Variants in FRMPD4 observed in about 807,000 individuals in gnomAD.
The protein encoded by FRMPD4 is FERM and PDZ domain containing 4.
In FRMPD4, 22 loss-of-function variants were observed where a neutral mutation model predicts 94.1. That is an observed-to-expected ratio of 0.23 (90% CI 0.17 to 0.33). The LOEUF is 0.33. Among genes scored for constraint, FRMPD4 ranks in the 10% least tolerant of loss-of-function variants. FRMPD4 has a pLI of 1.00. For missense variants in FRMPD4, 1,111 were observed against 1,339.9 expected (o/e 0.83, Z 2.67); for synonymous variants, 631 against 548.6 (o/e 1.15, Z -2.10).
intron 1 of FRMPD4, among the ~76,000 whole-genome samples, chrX:12,308,060 C>G (rs753168181): frequency 1.8e-5 from 2 of 111,964 alleles, no homozygotes; most frequent in South Asian, 7.6e-4. Flanking sequence ...GACATCACAA[C>G]CTTGACAGAA....
chrX:12,700,923 G>T lies in FRMPD4; in HGVS notation c.934-951G>T, dbSNP rs113016804. 8.4e-3 allele frequency among the ~76,000 whole-genome samples: 933 copies of T among 111,571 alleles called. 12 individuals carry two copies. The highest frequency in any genetic ancestry group is 0.029 in the African/African-American group (875 of 30,655). On this transcript the variant is annotated intron_variant, in intron 9 of 16. Coordinates refer to ENST00000675598, the MANE Select transcript of FRMPD4 (RefSeq NM_001368397.1). ...TCCCAAGCCACTGTGCTCACTCACC[G>T]TGCTAATTCTGCCTCCCTGCAGCTG...
intron 1 of FRMPD4, among the ~76,000 whole-genome samples, chrX:12,193,070 A>C (rs765963297): frequency 1.8e-5 from 2 of 111,834 alleles, no homozygotes; most frequent in African/African-American, 6.5e-5. Flanking sequence ...CATCGGCAAA[A>C]ATTGTATAAA....
chrX:12,545,122 C>T (rs1351188829), intron 2 of FRMPD4, among the ~76,000 whole-genome samples: 1 of 112,063 alleles, frequency 8.9e-6, no homozygotes, highest in African/African-American at 3.2e-5. Context: ...CTTCTGTTAG[C>T]ACACGGAATT....
intron 1 of FRMPD4, among the ~76,000 whole-genome samples, chrX:11,832,141 C>G (rs968664066): frequency 9.0e-6 from 1 of 111,515 alleles, no homozygotes; most frequent in Non-Finnish European, 1.9e-5. Flanking sequence ...CTCCCTGGTT[C>G]TGTTACGTTA....
intron 3 of FRMPD4, among the ~76,000 whole-genome samples, chrX:12,057,695 C>T (rs2054862300): frequency 9.0e-6 from 1 of 111,229 alleles, no homozygotes; most frequent in Admixed American, 9.6e-5. Context: ...CAGGTTGCCA[C>T]CAAGAGGGTG....
intron 3 of FRMPD4, among the ~76,000 whole-genome samples, chrX:12,118,447 G>A (rs1035909280): frequency 8.0e-5 from 9 of 112,615 alleles, no homozygotes; most frequent in Non-Finnish European, 1.7e-4. Context: ...ACTGCTGGCT[G>A]TTAACAAACC....
At chrX:12,288,841 T>C (rs769836202) in intron 1 of FRMPD4, among the ~76,000 whole-genome samples, 98 of 111,937 alleles carry the variant, frequency 8.8e-4, no homozygotes, top group African/African-American at 3.1e-3. Flanking sequence ...CTTTGATAAT[T>C]TGTTGTATGA....
At chrX:12,695,670 T>A (rs753010969) in intron 9 of FRMPD4, among the ~76,000 whole-genome samples, 33 of 112,337 alleles carry the variant, frequency 2.9e-4, no homozygotes, top group African/African-American at 1.1e-3. Context: ...CCCAAAGTGC[T>A]GGGATTACAG....
chrX:12,256,124 A>C (rs999973570), intron 1 of FRMPD4, among the ~76,000 whole-genome samples: 5 of 111,924 alleles, frequency 4.5e-5, no homozygotes, highest in Admixed American at 1.9e-4. Context: ...ATAGGGTAGA[A>C]TATAGGCATG....
chrX:12,337,032 G>A (rs1319761403), intron 1 of FRMPD4, among the ~76,000 whole-genome samples: 2 of 111,198 alleles, frequency 1.8e-5, no homozygotes, highest in African/African-American at 6.6e-5. Context: ...AAGTAAGTGG[G>A]CAATGTAGAA....
At chrX:12,041,843 A>G (rs1310567511) in intron 3 of FRMPD4, among the ~76,000 whole-genome samples, 1 of 110,642 alleles carries the variant, frequency 9.0e-6, no homozygotes. Context: ...TTCTTTTTCT[A>G]TTTTTTAAAT....
Position 12,561,082 on chromosome X carries a change from T to G in FRMPD4, c.159-48639T>G, listed in dbSNP as rs1339165192. ...CCGCGCCCGGCCCCCTCATCTTTTT[T>G]GACAGCTCTACCAATAATTTCTAGG... On this transcript the variant is annotated intron_variant, in intron 2 of 16. Transcript: ENST00000675598. Among the ~76,000 whole-genome samples the G allele has an allele frequency of 2.7e-5, 3 of 111,352 alleles. No individual in the cohort carries two copies. The East Asian group carries it at 8.5e-4, about 31-fold the overall frequency.
chrX:12,327,815 C>T (rs1229715398), intron 1 of FRMPD4, among the ~76,000 whole-genome samples: 4 of 110,249 alleles, frequency 3.6e-5, no homozygotes, highest in Non-Finnish European at 7.6e-5. Flanking sequence ...AAAACGATTA[C>T]ATCTAGCTCA....
intron 3 of FRMPD4, among the ~76,000 whole-genome samples, chrX:11,927,941 AG>A (rs1201067757): frequency 8.9e-6 from 1 of 112,401 alleles, no homozygotes; most frequent in Non-Finnish European, 1.9e-5. Context: ...GCACAGCAAA[AG>A]AAACTATCAA....
intron 1 of FRMPD4, among the ~76,000 whole-genome samples, chrX:12,270,840 A>G (rs1483967008): frequency 2.7e-5 from 3 of 111,584 alleles, no homozygotes; most frequent in Non-Finnish European, 5.7e-5. Flanking sequence ...AGTTAATAGT[A>G]TTGCAGCAGT....
At position 12,265,248 on chromosome X, in the gene FRMPD4, G is replaced by A. The variant is rs2054253722; in HGVS notation, c.41+126236G>A. 2.7e-5 allele frequency among the ~76,000 whole-genome samples: 3 copies of A among 112,348 alleles called. No individual in the cohort carries two copies. In the South Asian group the frequency reaches 1.1e-3, roughly 41 times the overall value. On this transcript the variant is annotated intron_variant, in intron 1 of 16. Transcript: ENST00000675598. ...AAATCTCTCGAGGTGATTTTAACGT[G>A]CAGATAAATCTGAGAAGCCCTGGTA...
intron 5 of FRMPD4, among the ~76,000 whole-genome samples, chrX:12,679,620 G>C (rs745470697): frequency 1.3e-4 from 14 of 111,722 alleles, no homozygotes; most frequent in Non-Finnish European, 2.3e-4. Flanking sequence ...CCTGTATGTG[G>C]GGATGTTGAG....
intron 1 of FRMPD4, among the ~76,000 whole-genome samples, chrX:12,267,613 T>G (rs2054294852): frequency 9.2e-6 from 1 of 109,056 alleles, no homozygotes; most frequent in Admixed American, 9.6e-5. Flanking sequence ...AATGGTTCGC[T>G]TGAATATTTT....
intron 1 of FRMPD4, among the ~76,000 whole-genome samples, chrX:12,493,032 C>A (rs1198758603): frequency 9.0e-6 from 1 of 111,081 alleles, no homozygotes; most frequent in Non-Finnish European, 1.9e-5. Flanking sequence ...ATGCCAGGGA[C>A]CCTCTACTAA....
Sources: gnomAD v4.1 joint callset for allele counts (sites outside exome capture counted in the v4.1 genomes callset) on GRCh38, gnomAD v4.1.1 for gene constraint, MANE v1.5 for transcripts, NCBI Gene and HGNC (gene_info 2026-07-23, HGNC 2026-07-21) for gene names.